SLC15A5: variants seen among roughly 807,000 people sequenced by gnomAD.
The protein encoded by SLC15A5 is Peptide/histidine transporter ENSP00000340402.
SLC15A5 carries 58 observed loss-of-function variants against 56.1 expected under a neutral mutation model. That is an observed-to-expected ratio of 1.03 (90% CI 0.84 to 1.29). The LOEUF is 1.29. Among genes scored for constraint, SLC15A5 ranks in the 50% most tolerant of loss-of-function variants. The pLI, the probability that SLC15A5 is intolerant of heterozygous loss-of-function variation, is 0.00. For synonymous variants in SLC15A5, 264 were observed against 250.5 expected, an observed-to-expected ratio of 1.05 and a Z score of -0.51; for missense variants, 681 against 672.1, an observed-to-expected ratio of 1.01 and a Z score of -0.15.
chr12:16,193,780 G>GGAGCGAGC (rs763515940), intron 8 of SLC15A5, among the ~76,000 whole-genome samples: 1 of 75,692 alleles, frequency 1.3e-5, no homozygotes, highest in Non-Finnish European at 2.6e-5. Context: ...TATGTCAAGG[G>GGAGCGAGC]GAGAGAGAGA....
At chr12:16,214,666 C>G (rs1392661766) in intron 7 of SLC15A5, among the ~76,000 whole-genome samples, 1 of 152,146 alleles carries the variant, frequency 6.6e-6, no homozygotes, top group African/African-American at 2.4e-5. Flanking sequence ...TAGTGCATAC[C>G]TGGGGATGAA....
At chr12:16,259,555 TGAAGGA>T (rs1409118025) in intron 2 of SLC15A5, among the ~76,000 whole-genome samples, 4 of 152,140 alleles carry the variant, frequency 2.6e-5, no homozygotes, top group African/African-American at 7.2e-5. Flanking sequence ...AGTTGTAATC[TGAAGGA>T]GAAGGAGAGA....
intron 7 of SLC15A5, among the ~76,000 whole-genome samples, chr12:16,211,511 T>A (rs201920452): frequency 6.6e-6 from 1 of 151,886 alleles, no homozygotes; most frequent in African/African-American, 2.4e-5. Flanking sequence ...TTTTTTTTCT[T>A]AAATATTTTG....
At chr12:16,268,999 C>T (rs372859772) in intron 2 of SLC15A5, among the ~76,000 whole-genome samples, 4 of 151,990 alleles carry the variant, frequency 2.6e-5, no homozygotes, top group Admixed American at 6.6e-5. Context: ...AAGAGACCTC[C>T]GAGAGCTCCT....
intron 7 of SLC15A5, among the ~76,000 whole-genome samples, chr12:16,203,038 G>A (rs1158326172): frequency 6.6e-6 from 1 of 152,106 alleles, no homozygotes; most frequent in East Asian, 1.9e-4. Flanking sequence ...GGAGGAATTA[G>A]TTCTGGTGAT....
At chr12:16,254,451 A>G (rs1864549320) in intron 3 of SLC15A5, among the ~76,000 whole-genome samples, 2 of 152,136 alleles carry the variant, frequency 1.3e-5, no homozygotes, top group African/African-American at 4.8e-5. Context: ...GTACACTTAA[A>G]ATGATTAAGA....
chr12:16,203,290 AAGAG>A (rs975890882), intron 7 of SLC15A5, among the ~76,000 whole-genome samples: 8 of 152,112 alleles, frequency 5.3e-5, no homozygotes, highest in Admixed American at 5.2e-4. Flanking sequence ...TTTAAGAAAA[AAGAG>A]AGATATTAGG....
chr12:16,208,413 A>G (rs1864042548), intron 7 of SLC15A5, among the ~76,000 whole-genome samples: 1 of 152,188 alleles, frequency 6.6e-6, no homozygotes, highest in Non-Finnish European at 1.5e-5. Flanking sequence ...GGCTTTTGCT[A>G]TATTCCCATC....
chr12:16,240,847 C>G (rs886959489), intron 4 of SLC15A5, among the ~76,000 whole-genome samples: 4 of 152,052 alleles, frequency 2.6e-5, no homozygotes, highest in Admixed American at 2.6e-4. Flanking sequence ...GAGTCTCGCT[C>G]TGTCACCCAG....
chr12:16,201,605 C>T (rs1863957209), intron 7 of SLC15A5, among the ~76,000 whole-genome samples: 1 of 152,068 alleles, frequency 6.6e-6, no homozygotes, highest in Non-Finnish European at 1.5e-5. Context: ...ATGCTGTTCT[C>T]ATGATAGTGA....
In SLC15A5 at chr12:16,244,760, T is replaced by G. The variant is rs1333623070; in HGVS notation, c.795A>C (p.Ala265=). 2.0e-6 allele frequency: 3 copies of G among 1,537,700 alleles called. No individual in the cohort carries two copies. The highest frequency in any genetic ancestry group is 2.6e-6 in the Non-Finnish European group (3 of 1,147,040). ...LLTGVGVLVS[A]LKTCHPQYCH... ...AGTATTGCGGGTGGCATGTTTTCAGTGCACTAACCAACACCCCAACGCCTG... is the reference window on the plus strand; with the variant it reads ...AGTATTGCGGGTGGCATGTTTTCAGGGCACTAACCAACACCCCAACGCCTG... The change falls in exon 4 of 9, where the codon GCA becomes GCC. Residue 265 remains alanine, a synonymous_variant. Coordinates refer to ENST00000344941, the MANE Select transcript of SLC15A5 (RefSeq NM_001170798.1).
At chr12:16,193,821 GA>G (rs1565654510) in intron 8 of SLC15A5, among the ~76,000 whole-genome samples, 13 of 120,160 alleles carry the variant, frequency 1.1e-4, no homozygotes, top group African/African-American at 2.9e-4. Flanking sequence ...GAGAGAGAGA[GA>G]GAGAGAGAGA....
At chr12:16,246,187 A>G (rs963992448) in intron 3 of SLC15A5, among the ~76,000 whole-genome samples, 2 of 152,144 alleles carry the variant, frequency 1.3e-5, no homozygotes, top group African/African-American at 2.4e-5. Flanking sequence ...GCTTATATCT[A>G]TGGTCACTTT....
In SLC15A5 at chr12:16,277,424, C is replaced by T. The variant is rs763996040; in HGVS notation, c.262G>A (p.Gly88Arg). ...QAAILNLCFI[G>R]TSILTPVFVR... ...AACACAGGGGTAAGTATTGAAGTTCCAATAAAACACAAGTTTAAGATGGCT... is the reference window on the plus strand; with the variant it reads ...AACACAGGGGTAAGTATTGAAGTTCTAATAAAACACAAGTTTAAGATGGCT... Residue 88 changes from glycine (G) to arginine (R), a missense_variant, in exon 1 of 9, where the codon GGA (glycine) becomes AGA (arginine). Gly to Arg is a moderately radical substitution (Grantham distance 125). Coordinates refer to ENST00000344941, the MANE Select transcript of SLC15A5 (RefSeq NM_001170798.1). 3.8e-5 allele frequency: 58 copies of T among 1,536,276 alleles called. No individual in the cohort carries two copies. The South Asian group carries it at 6.8e-4, about 18-fold the overall frequency.
chr12:16,195,747 C>A (rs1393126149), intron 7 of SLC15A5, among the ~76,000 whole-genome samples: 7 of 152,052 alleles, frequency 4.6e-5, no homozygotes, highest in African/African-American at 1.7e-4. Context: ...CTTGACAATG[C>A]ATACTTATAA....
chr12:16,276,649 T>C (rs925402014), intron 1 of SLC15A5, among the ~76,000 whole-genome samples: 2 of 152,106 alleles, frequency 1.3e-5, no homozygotes, highest in Non-Finnish European at 2.9e-5. Context: ...CTTGAACTTT[T>C]CAGTTTAAAA....
chr12:16,200,628 GAT>G (rs1863946067), intron 7 of SLC15A5, among the ~76,000 whole-genome samples: 2 of 152,006 alleles, frequency 1.3e-5, no homozygotes, highest in South Asian at 4.1e-4. Context: ...AGAAATTGAA[GAT>G]ATGCCTCTTG....
chr12:16,197,600 G>A (rs1267677895), intron 7 of SLC15A5, among the ~76,000 whole-genome samples: 2 of 152,034 alleles, frequency 1.3e-5, no homozygotes, highest in African/African-American at 4.8e-5. Context: ...AGAGATAATG[G>A]TTGTCAAGGG....
chr12:16,262,282 C>A (rs2136812942), intron 2 of SLC15A5, among the ~76,000 whole-genome samples: 1 of 152,272 alleles, frequency 6.6e-6, no homozygotes, highest in Admixed American at 6.5e-5. Flanking sequence ...GTTAATGCAG[C>A]CTTTAACATT....
Sources: allele counts gnomAD v4.1 joint callset (sites outside exome capture counted in the v4.1 genomes callset), GRCh38; gene constraint gnomAD v4.1.1; transcripts MANE v1.5; gene names NCBI Gene and HGNC (gene_info 2026-07-23, HGNC 2026-07-21).